Variants in WSCD2 observed in about 807,000 individuals in gnomAD.
WSCD2 encodes the protein WSC domain sialate O sulfotransferase 2.
A neutral mutation model predicts 55.7 loss-of-function variants in WSCD2; 28 were observed. The ratio of observed to expected loss-of-function variants is 0.50; its 90% CI spans 0.37 to 0.69. The LOEUF is 0.69. WSCD2 is among the 30% of genes least tolerant of loss of function. The probability of loss-of-function intolerance (pLI) is 0.00; values close to 1 mark genes in which losing one functional copy is unlikely to be tolerated. For synonymous variants in WSCD2, 301 were observed against 301.9 expected (o/e 1.00, Z 0.03); for missense variants, 616 against 762.1 (o/e 0.81, Z 2.26).
In WSCD2 at chr12:108,248,634, C is replaced by T; in HGVS notation, c.*291C>T. 17 of 1,139,630 alleles carry T rather than the reference C, an allele frequency of 1.5e-5. No individual in the cohort carries two copies. The highest frequency in any genetic ancestry group is 3.1e-5 in the South Asian group (1 of 32,190). The allele number at this position is 1,139,630 out of a possible 1,614,324, so 70.6% of individuals were successfully genotyped here. On this transcript the variant is annotated 3_prime_UTR_variant, in exon 9 of 9. Transcript: ENST00000547525. The surrounding 1 kb of genome is among the most constrained non-coding windows in gnomAD (Gnocchi z 4.3). ...CTGTCTCCTGGGTCCCTGCCCCCAC[C>T]ACTCTGGGTTCCATTTGTGGGAGGG...
chr12:108,185,348 G>C (rs1882319097), intron 1 of WSCD2, among the ~76,000 whole-genome samples: 1 of 152,106 alleles, frequency 6.6e-6, no homozygotes, highest in Non-Finnish European at 1.5e-5. Context: ...TTGTGGGATG[G>C]ACCCCCACTG....
At chr12:108,139,453 A>G (rs1446747979) in intron 1 of WSCD2, among the ~76,000 whole-genome samples, 1 of 151,990 alleles carries the variant, frequency 6.6e-6, no homozygotes, top group Non-Finnish European at 1.5e-5. Context: ...GGTGGGGAGG[A>G]GATTAGGGTC....
chr12:108,210,303 G>A lies in WSCD2; in HGVS notation c.680G>A (p.Arg227Lys). 6.3e-7 allele frequency: 1 copy of A among 1,576,256 alleles called. No individual in the cohort carries two copies. The highest frequency in any genetic ancestry group is 1.1e-5 in the South Asian group (1 of 87,424). ...CAGCTGGCCCAGGAGTCGGCCCGCA[G>A]GTGTACGTGAGTCTGCCCTGCCCCT... Reference protein sequence around the residue: ...RLQLAQESARRYGSAVFRGCF... With the variant: ...RLQLAQESARKYGSAVFRGCF... The change falls in exon 4 of 9, where the codon AGG (arginine) becomes AAG (lysine). Residue 227 changes from arginine to lysine, a missense_variant and splice_region_variant. By Grantham distance (26) the Arg-to-Lys change is conservative. Coordinates refer to ENST00000547525, the MANE Select transcript of WSCD2 (RefSeq NM_014653.4). This position sits in a 1 kb window ranked among gnomAD's most constrained non-coding sequence, Gnocchi z 4.3.
intron 1 of WSCD2, among the ~76,000 whole-genome samples, chr12:108,161,686 G>A (rs1879080448): frequency 6.6e-6 from 1 of 152,208 alleles, no homozygotes; most frequent in East Asian, 1.9e-4. Context: ...TGGCAGCCCG[G>A]CTTAGCACAG....
At chr12:108,181,503 G>A (rs532958500) in intron 1 of WSCD2, among the ~76,000 whole-genome samples, 3 of 152,268 alleles carry the variant, frequency 2.0e-5, no homozygotes, top group East Asian at 3.9e-4. Context: ...GGATATTGAC[G>A]GGGACTAGAT....
At chr12:108,153,058 A>T (rs1407908322) in intron 1 of WSCD2, among the ~76,000 whole-genome samples, 1 of 151,838 alleles carries the variant, frequency 6.6e-6, no homozygotes, top group African/African-American at 2.4e-5. Context: ...AGCCGAGATC[A>T]CACCACTGCA....
intron 1 of WSCD2, among the ~76,000 whole-genome samples, chr12:108,166,210 G>A (rs1879579427): frequency 6.6e-6 from 1 of 152,158 alleles, no homozygotes; most frequent in African/African-American, 2.4e-5. Context: ...ATCTCTTTGA[G>A]CCTTAACTCC....
At chr12:108,133,897 A>G (rs1235686267) in intron 1 of WSCD2, among the ~76,000 whole-genome samples, 1 of 152,252 alleles carries the variant, frequency 6.6e-6, no homozygotes, top group Non-Finnish European at 1.5e-5. Flanking sequence ...GATGTGCTGA[A>G]CATCTCGACA....
chr12:108,218,208 A>G (rs1887073565), intron 4 of WSCD2, among the ~76,000 whole-genome samples: 1 of 152,266 alleles, frequency 6.6e-6, no homozygotes, highest in African/African-American at 2.4e-5. Flanking sequence ...AAACTTGCCC[A>G]TGGTCAAAGA....
Position 108,237,967 on chromosome 12 carries a change from G to A in WSCD2, c.1145-2377G>A, listed in dbSNP as rs1889400713. ...TTTTCCTTGTTAAGAATCTGTGTGA[G>A]TTCTGGTATACCCCCTGCCTGTGTT... On this transcript the variant is annotated intron_variant, in intron 7 of 8. Coordinates refer to ENST00000547525, the MANE Select transcript of WSCD2 (RefSeq NM_014653.4). Among the ~76,000 whole-genome samples the A allele has an allele frequency of 2.0e-5, 3 of 152,324 alleles. 1 individual carries two copies. The South Asian group carries it at 6.2e-4, about 32-fold the overall frequency.
rs141970342 is a variant in WSCD2, at chr12:108,191,592, T to G, written c.-551-3690T>G. Among the ~76,000 whole-genome samples the G allele has an allele frequency of 2.5e-3, 380 of 152,328 alleles. 1 individual carries two copies. Among genetic ancestry groups the G allele is most frequent in the African/African-American group, 8.7e-3 (363 of 41,572 alleles). On this transcript the variant is annotated intron_variant, in intron 1 of 8. Coordinates refer to ENST00000547525, the MANE Select transcript of WSCD2 (RefSeq NM_014653.4). ...TCACCTGAGTGTTTTGGCCAGTGTGTGAAGCCATGGTTGTAGGTGTAAGCC... is the reference window on the plus strand; with the variant it reads ...TCACCTGAGTGTTTTGGCCAGTGTGGGAAGCCATGGTTGTAGGTGTAAGCC...
rs919349204 is a variant in WSCD2 at position 108,210,874 on chromosome 12, C to T, written c.682+569C>T. Among the ~76,000 whole-genome samples, 1 of 152,200 alleles carries T rather than the reference C, an allele frequency of 6.6e-6. No individual in the cohort carries two copies. Among genetic ancestry groups the T allele is most frequent in the Non-Finnish European group, 1.5e-5 (1 of 68,042 alleles). On this transcript the variant is annotated intron_variant, in intron 4 of 8. Transcript: ENST00000547525. The surrounding 1 kb of genome is among the most constrained non-coding windows in gnomAD (Gnocchi z 4.3). ...CTTTCAAAGAGAGAATTCATCCTGGCTTTTTCAAGCTTCTGGTTTGAGTCT... is the reference window on the plus strand; with the variant it reads ...CTTTCAAAGAGAGAATTCATCCTGGTTTTTTCAAGCTTCTGGTTTGAGTCT...
intron 1 of WSCD2, among the ~76,000 whole-genome samples, chr12:108,190,886 G>A (rs1002340782): frequency 9.2e-5 from 14 of 152,122 alleles, no homozygotes; most frequent in African/African-American, 3.1e-4. Flanking sequence ...GGATGAAGTC[G>A]TGATAGCCAG....
chr12:108,245,122 T>C (rs1292311612), intron 8 of WSCD2, among the ~76,000 whole-genome samples: 1 of 152,158 alleles, frequency 6.6e-6, no homozygotes, highest in Non-Finnish European at 1.5e-5. Flanking sequence ...AATTGAATGG[T>C]ACTTCTATTT....
chr12:108,243,300 T>C (rs1317128027), intron 8 of WSCD2, among the ~76,000 whole-genome samples: 1 of 151,850 alleles, frequency 6.6e-6, no homozygotes, highest in African/African-American at 2.4e-5. Context: ...TGCAGTGGTG[T>C]GATCTCGGCT....
intron 1 of WSCD2, among the ~76,000 whole-genome samples, chr12:108,180,570 G>A (rs980384658): frequency 5.3e-5 from 8 of 152,214 alleles, no homozygotes; most frequent in African/African-American, 1.7e-4. Flanking sequence ...GGAACCAGAA[G>A]AAATTTTAAG....
chr12:108,194,440 T>C (rs1883623751), intron 1 of WSCD2, among the ~76,000 whole-genome samples: 1 of 152,160 alleles, frequency 6.6e-6, no homozygotes, highest in Non-Finnish European at 1.5e-5. Context: ...AGACACTGGT[T>C]AAGAGCTGTG....
At chr12:108,161,397 G>T (rs1011939067) in intron 1 of WSCD2, among the ~76,000 whole-genome samples, 1 of 152,148 alleles carries the variant, frequency 6.6e-6, no homozygotes, top group South Asian at 2.1e-4. Flanking sequence ...AATGTGACTG[G>T]TGTTCTTAGA....
intron 1 of WSCD2, among the ~76,000 whole-genome samples, chr12:108,156,238 T>C (rs1878495510): frequency 6.6e-6 from 1 of 152,116 alleles, no homozygotes; most frequent in Admixed American, 6.5e-5. Context: ...CAGGCTCAGG[T>C]CCGTGTCCTG....
Sources: allele counts gnomAD v4.1 joint callset (sites outside exome capture counted in the v4.1 genomes callset), GRCh38; gene constraint gnomAD v4.1.1; non-coding constraint Gnocchi (gnomAD v3.1); transcripts MANE v1.5; gene names NCBI Gene and HGNC (gene_info 2026-07-23, HGNC 2026-07-21).